The following SP4 variants were observed in gnomAD, a reference collection of about 807,000 sequenced individuals.
SP4 encodes the protein Sp4 transcription factor, also known as transcription factor Sp4.
Under a neutral mutation model 72.8 loss-of-function variants are expected in SP4, and 19 were observed. The observed-to-expected ratio is 0.26, with a 90% CI of 0.18 to 0.38. SP4 has a LOEUF of 0.38. Among genes scored for constraint, SP4 ranks in the 10% least tolerant of loss-of-function variants. SP4 has a pLI of 1.00. For missense variants in SP4, 1,008 were observed against 926.3 expected, an observed-to-expected ratio of 1.09 and a Z score of -1.14; for synonymous variants, 395 against 333.1, an observed-to-expected ratio of 1.19 and a Z score of -2.02.
At chr7:21,467,242 GA>G (rs1408685328) in intron 3 of SP4, among the ~76,000 whole-genome samples, 3 of 151,988 alleles carry the variant, frequency 2.0e-5, no homozygotes, top group East Asian at 3.9e-4. Context: ...GTATCTCCTG[GA>G]AGGCAAAATT....
chr7:21,476,953 C>T (rs1453824647), intron 3 of SP4, 126 bp from the exon 4 acceptor site: 1 of 658,558 alleles, frequency 1.5e-6, no homozygotes, highest in South Asian at 2.0e-5. Context: ...AAGCCATTAA[C>T]CCCTTAGTTT....
chr7:21,506,551 G>A (rs1475494806), intron 5 of SP4, among the ~76,000 whole-genome samples: 1 of 152,080 alleles, frequency 6.6e-6, no homozygotes, highest in Non-Finnish European at 1.5e-5. Context: ...CTTGATGTAA[G>A]TCTTTTCTGA....
intron 3 of SP4, among the ~76,000 whole-genome samples, chr7:21,441,926 T>C (rs920423842): frequency 6.6e-6 from 1 of 152,128 alleles, no homozygotes; most frequent in African/African-American, 2.4e-5. Flanking sequence ...TTATCTGTTG[T>C]GGGAGACACA....
intron 5 of SP4, among the ~76,000 whole-genome samples, chr7:21,495,708 A>G (rs1298479709): frequency 6.6e-6 from 1 of 152,194 alleles, no homozygotes; most frequent in African/African-American, 2.4e-5. Flanking sequence ...TCTTATAAAC[A>G]TGCAATTACC....
chr7:21,494,566 C>A (rs1369986216), intron 5 of SP4, among the ~76,000 whole-genome samples: 1 of 152,100 alleles, frequency 6.6e-6, no homozygotes, highest in East Asian at 1.9e-4. Context: ...TGCCATAAAT[C>A]TAACAAAATA....
At chr7:21,474,310 A>C (rs1784430832) in intron 3 of SP4, among the ~76,000 whole-genome samples, 1 of 152,242 alleles carries the variant, frequency 6.6e-6, no homozygotes, top group African/African-American at 2.4e-5. Flanking sequence ...TCAGAGAATC[A>C]CGGCCAAAAA....
At chr7:21,492,601 G>A (rs1283494630) in intron 5 of SP4, among the ~76,000 whole-genome samples, 2 of 152,042 alleles carry the variant, frequency 1.3e-5, no homozygotes, top group Non-Finnish European at 2.9e-5. Flanking sequence ...ATGGAGAAAA[G>A]GGAAAATAGA....
chr7:21,428,619 A>G (rs1782711547), intron 1 of SP4, 58 bp from the exon 2 acceptor site: 3 of 1,457,228 alleles, frequency 2.1e-6, no homozygotes, highest in Non-Finnish European at 1.9e-6. Context: ...AAGAAGACGA[A>G]TAATAATAAT....
At chr7:21,509,963 C>T (rs1029460366) in intron 5 of SP4, among the ~76,000 whole-genome samples, 23 of 152,108 alleles carry the variant, frequency 1.5e-4, no homozygotes, top group South Asian at 2.1e-4. Flanking sequence ...AATCACATCT[C>T]GTGTGGATGG....
chr7:21,468,617 ATGTCATATTATAATAATT>A (rs1466691861), intron 3 of SP4, among the ~76,000 whole-genome samples: 5 of 151,626 alleles, frequency 3.3e-5, no homozygotes, highest in Non-Finnish European at 7.4e-5. Flanking sequence ...TGATGTACAG[ATGTCATATTATAATAATT>A]TGTTGATTTT....
At chr7:21,439,590 G>GT (rs200979172) in intron 3 of SP4, among the ~76,000 whole-genome samples, 3,309 of 151,454 alleles carry the variant, frequency 0.022, 131 homozygotes, top group African/African-American at 0.075. Flanking sequence ...GTACAAAGGT[G>GT]TTTTTTGAAA....
At chr7:21,466,479 A>T (rs1264679337) in intron 3 of SP4, among the ~76,000 whole-genome samples, 2 of 152,196 alleles carry the variant, frequency 1.3e-5, no homozygotes, top group Non-Finnish European at 2.9e-5. Flanking sequence ...AAAGGAAGAA[A>T]CTGCAGGGAG....
At chr7:21,458,649 C>T (rs1212091069) in intron 3 of SP4, among the ~76,000 whole-genome samples, 2 of 152,106 alleles carry the variant, frequency 1.3e-5, no homozygotes, top group African/African-American at 2.4e-5. Context: ...TTTAAATCCT[C>T]CTTTTCCCCA....
At chr7:21,484,103 T>A (rs1784755685) in intron 5 of SP4, among the ~76,000 whole-genome samples, 1 of 151,858 alleles carries the variant, frequency 6.6e-6, no homozygotes, top group African/African-American at 2.4e-5. Flanking sequence ...TTATGAAATC[T>A]ATTAAAAATG....
intron 5 of SP4, among the ~76,000 whole-genome samples, chr7:21,499,764 T>C (rs1170749922): frequency 1.3e-5 from 2 of 152,232 alleles, no homozygotes; most frequent in African/African-American, 4.8e-5. Flanking sequence ...GGAGGTATAT[T>C]ATCAAATGAC....
chr7:21,463,376 G>A (rs114366799), intron 3 of SP4, among the ~76,000 whole-genome samples: 104 of 152,296 alleles, frequency 6.8e-4, no homozygotes, highest in African/African-American at 2.4e-3. Context: ...AACAGTGATG[G>A]CTCAGGTAAT....
chr7:21,488,422 AT>A (rs1784880069), intron 5 of SP4, among the ~76,000 whole-genome samples: 1 of 137,406 alleles, frequency 7.3e-6, no homozygotes, highest in African/African-American at 2.7e-5. Context: ...TTGACAATTT[AT>A]TTTCTAGTTT....
At chr7:21,501,985 G>A (rs1781875175) in intron 5 of SP4, among the ~76,000 whole-genome samples, 1 of 149,164 alleles carries the variant, frequency 6.7e-6, no homozygotes, top group Non-Finnish European at 1.5e-5. Context: ...ACCACCAGAA[G>A]AGTGCTGACT....
At chr7:21,497,372 A>C (rs1345169482) in intron 5 of SP4, among the ~76,000 whole-genome samples, 1 of 152,234 alleles carries the variant, frequency 6.6e-6, no homozygotes, top group East Asian at 1.9e-4. Flanking sequence ...GAGACTAGTA[A>C]GTTAAAATAC....
Sources: gnomAD v4.1 joint callset for allele counts (sites outside exome capture counted in the v4.1 genomes callset) on GRCh38, gnomAD v4.1.1 for gene constraint, MANE v1.5 for transcripts, NCBI Gene and HGNC (gene_info 2026-07-23, HGNC 2026-07-21) for gene names.